FAHD1: variants seen among roughly 807,000 people sequenced by gnomAD.
The protein encoded by FAHD1 is FAH domain containing oxaloacetate decarboxylase 1, also known as oxaloacetate tautomerase FAHD1, mitochondrial.
FAHD1 carries 14 observed loss-of-function variants against 12.7 expected under a neutral mutation model. The observed-to-expected ratio is 1.10, with a 90% CI of 0.73 to 1.72. The LOEUF (loss-of-function observed/expected upper bound fraction) is 1.72, where lower values mean the gene tolerates loss of function less well. Among genes scored for constraint, FAHD1 ranks in the 40% most tolerant of loss-of-function variants. The pLI is 0.00. For missense variants in FAHD1, 351 were observed against 298.9 expected (o/e 1.17, Z -1.29); for synonymous variants, 153 against 124.9 (o/e 1.22, Z -1.50).
exon 1 of FAHD1, chr16:1,827,433 G>A (rs369838638): frequency 6.2e-7 from 1 of 1,610,166 alleles, no homozygotes; most frequent in Non-Finnish European, 8.5e-7. Flanking sequence ...CTCGCAACCT[G>A]CACCACGAGC....
At chr16:1,830,848 G>A (rs1898606371), downstream of FAHD1, among the ~76,000 whole-genome samples, 1 of 151,170 alleles carries the variant, frequency 6.6e-6, no homozygotes, top group African/African-American at 2.4e-5. Context: ...TTGTCCTCTG[G>A]TCCTACGTCT....
Position 1,837,196 on chromosome 16 carries a change from C to G in FAHD1, c.628-820C>G, listed in dbSNP as rs1312998261. Among the ~76,000 whole-genome samples the G allele has an allele frequency of 2.7e-5, 4 of 149,010 alleles. No homozygotes were observed. In the East Asian group the frequency reaches 7.9e-4, roughly 30 times the overall value. On this transcript the variant is annotated intron_variant, in intron 1 of 2. Coordinates refer to the FAHD1 transcript ENST00000382666. ...AGGATCATGGAATTTTGCAGGTTAG[C>G]AAATTTAATTAACCTCTGCAGGGTC...
downstream of FAHD1, chr16:1,829,019 G>GCTGATTAA: frequency 4.4e-6 from 3 of 679,198 alleles, no homozygotes; most frequent in Non-Finnish European, 5.5e-6. Context: ...TGAGCACTGT[G>GCTGATTAA]CTGTGTTAAC....
chr16:1,832,264 G>A (rs1392122397), downstream of FAHD1, among the ~76,000 whole-genome samples: 2 of 134,506 alleles, frequency 1.5e-5, no homozygotes, highest in Admixed American at 8.7e-5. Flanking sequence ...TCCGCCTCCC[G>A]GGTTCACGCC....
rs772309233 is a variant in FAHD1 at position 1,827,721 on chromosome 16, C to T, written c.483C>T (p.Ser161=). 6.8e-6 allele frequency: 11 copies of T among 1,614,128 alleles called. No individual in the cohort carries two copies. The South Asian group carries it at 1.2e-4, about 18-fold the overall frequency. Residue 161 remains serine (S), a synonymous_variant, in exon 1 of 1, where the codon TCC becomes TCT. Transcript: ENST00000427358. ...TCAGACAGGAGGGTGAGACATCCTC[C>T]ATGATTTTTTCCATCCCCTACATCA... is the stretch of plus-strand genomic sequence containing the variant.
chr16:1,840,005 C>T (rs569282812), exon 3 of FAHD1: 1 of 152,312 alleles, frequency 6.6e-6, no homozygotes, highest in South Asian at 2.1e-4. Flanking sequence ...GATACACTCT[C>T]CTCTCTTTCA....
chr16:1,839,076 T>C (rs1168719295), intron 2 of FAHD1, among the ~76,000 whole-genome samples: 1 of 152,208 alleles, frequency 6.6e-6, no homozygotes, highest in Admixed American at 6.5e-5. Flanking sequence ...GATTTTGATA[T>C]AAAATATGTA....
At position 1,827,763 on chromosome 16, in the gene FAHD1, G is replaced by T. The variant is rs754205563; in HGVS notation, c.525G>T (p.Lys175Asn). 3.3e-5 allele frequency: 54 copies of T among 1,613,992 alleles called. No homozygotes were observed. The South Asian group carries it at 3.8e-4, about 11-fold the overall frequency. ...CCTACATCATCAGCTATGTTTCTAA[G>T]ATCATAACCTTGGAAGAAGGAGATA... The change falls in exon 1 of 1, where the codon AAG becomes AAT. Residue 175 changes from lysine to asparagine, a missense_variant. By Grantham distance (94) the Lys-to-Asn change is moderately conservative (BLOSUM62 0). Transcript: ENST00000427358.
Position 1,836,859 on chromosome 16 carries a change from A to AT in FAHD1, c.628-1151dup, listed in dbSNP as rs1898760720. Among the ~76,000 whole-genome samples the AT allele has an allele frequency of 4.6e-5, 7 of 152,278 alleles. No individual in the cohort carries two copies. The South Asian group carries it at 1.4e-3, about 32-fold the overall frequency. ...AATGTGTGCTCTAGAATGTTTTAAA[A>AT]TTTTTTCAGTATTAAGCTGCAGTAC... On this transcript the variant is annotated intron_variant, in intron 1 of 2. Transcript: ENST00000382666.
chr16:1,830,543 A>C (rs1171992481), downstream of FAHD1, among the ~76,000 whole-genome samples: 1 of 152,216 alleles, frequency 6.6e-6, no homozygotes, highest in Non-Finnish European at 1.5e-5. Flanking sequence ...GCCAGCACCG[A>C]GTACAGTGCC....
chr16:1,837,206 T>G (rs1184510946), intron 1 of FAHD1, among the ~76,000 whole-genome samples: 2 of 150,068 alleles, frequency 1.3e-5, no homozygotes. Context: ...CAAATTTAAT[T>G]AACCTCTGCA....
At chr16:1,831,906 C>T (rs143464318), downstream of FAHD1, among the ~76,000 whole-genome samples, 513 of 152,252 alleles carry the variant, frequency 3.4e-3, 6 homozygotes, top group African/African-American at 0.012. Flanking sequence ...CCCCGCCCCC[C>T]GACCCGGCAA....
At chr16:1,839,311 T>C (rs755596200) in exon 3 of FAHD1, 1 of 1,614,138 alleles carries the variant, frequency 6.2e-7, no homozygotes, top group Non-Finnish European at 8.5e-7. Flanking sequence ...GAATGAAGGG[T>C]GCCTGTGTGA....
chr16:1,834,419 G>C, intron 1 of FAHD1: 1 of 941,452 alleles, frequency 1.1e-6, no homozygotes, highest in South Asian at 1.4e-5. Flanking sequence ...AAATCCCCTT[G>C]TATATCAAGT....
chr16:1,830,616 T>G (rs1231495127), downstream of FAHD1, among the ~76,000 whole-genome samples: 1 of 152,208 alleles, frequency 6.6e-6, no homozygotes, highest in Non-Finnish European at 1.5e-5. Context: ...ACATCAGCAT[T>G]GCAGGTGTAG....
exon 2 of FAHD1, chr16:1,838,102 T>C: frequency 1.5e-6 from 1 of 684,008 alleles, no homozygotes; most frequent in Admixed American, 2.8e-5. Flanking sequence ...GGTCAAGCAA[T>C]CCTCCCTCAG....
At chr16:1,839,755 C>G (rs1181263318) in exon 3 of FAHD1, 3 of 266,272 alleles carry the variant, frequency 1.1e-5, no homozygotes, top group Non-Finnish European at 2.2e-5. Context: ...CAGCCTGCAG[C>G]CTTTCTCTCT....
downstream of FAHD1, among the ~76,000 whole-genome samples, chr16:1,832,956 T>A (rs1898650628): frequency 6.8e-6 from 1 of 147,630 alleles, no homozygotes; most frequent in East Asian, 2.0e-4. Context: ...AAAAGCCAGA[T>A]AAAACATGAC....
intron 1 of FAHD1, chr16:1,837,754 G>C: frequency 9.1e-7 from 1 of 1,097,500 alleles, no homozygotes; most frequent in Non-Finnish European, 1.3e-6. Flanking sequence ...TAAATATATA[G>C]AATAATATGG....
Sources: gnomAD v4.1 joint callset for allele counts (sites outside exome capture counted in the v4.1 genomes callset) on GRCh38, gnomAD v4.1.1 for gene constraint, MANE v1.5 for transcripts, NCBI Gene and HGNC (gene_info 2026-07-23, HGNC 2026-07-21) for gene names.